The following CAMK1 variants were observed in gnomAD, a reference collection of about 807,000 sequenced individuals.
CAMK1 encodes the protein calcium/calmodulin dependent protein kinase I.
Under a neutral mutation model 49.1 loss-of-function variants are expected in CAMK1, and 39 were observed. The ratio of observed to expected loss-of-function variants is 0.79; its 90% CI spans 0.62 to 1.04. The LOEUF is 1.04. Among genes scored for constraint, CAMK1 ranks in the 50% least tolerant of loss-of-function variants. The pLI is 0.00. For synonymous variants in CAMK1, 192 were observed against 185.2 expected (o/e 1.04, Z -0.30); for missense variants, 457 against 472.2 (o/e 0.97, Z 0.30).
In CAMK1 at chr3:9,762,965, C is replaced by T. The variant is rs750537900; in HGVS notation, c.378G>A (p.Leu126=). Reference sequence around the variant, plus strand: ...GGTCATGCAGGTATTTCACAGCATCCAGCACCTGGAAGATGAGGCGGCTGG... The same window carrying T: ...GGTCATGCAGGTATTTCACAGCATCTAGCACCTGGAAGATGAGGCGGCTGG... ...RDASRLIFQV[L]DAVKYLHDLG... The change falls in exon 5 of 12, where the codon CTG becomes CTA. Residue 126 remains leucine, a synonymous_variant. Coordinates refer to ENST00000256460, the MANE Select transcript of CAMK1 (RefSeq NM_003656.5). 21 of 1,614,154 alleles carry T rather than the reference C, an allele frequency of 1.3e-5. No homozygotes were observed. Among genetic ancestry groups the T allele is most frequent in the Non-Finnish European group, 1.7e-5 (20 of 1,180,040 alleles).
chr3:9,768,981 C>G (rs1299906310), intron 1 of CAMK1, among the ~76,000 whole-genome samples: 2 of 152,050 alleles, frequency 1.3e-5, no homozygotes, highest in African/African-American at 4.8e-5. Flanking sequence ...ACACACATCC[C>G]TGTAGCAGAC....
chr3:9,762,236 T>TG (rs1287090266), intron 5 of CAMK1: 9 of 156,216 alleles, frequency 5.8e-5, no homozygotes, highest in African/African-American at 2.2e-4. Flanking sequence ...GATTGAGATG[T>TG]ACTGCTAAAT....
At position 9,763,006 on chromosome 3, in the gene CAMK1, A is replaced by G; in HGVS notation, c.337T>C (p.Tyr113His). 1.2e-6 allele frequency: 2 copies of G among 1,614,164 alleles called. No homozygotes were observed. Among genetic ancestry groups the G allele is most frequent in the Non-Finnish European group, 1.7e-6 (2 of 1,180,032 alleles). Residue 113 changes from tyrosine to histidine, a missense_variant, in exon 5 of 12, where the codon TAC (tyrosine) becomes CAC (histidine). Tyr to His is a moderately conservative substitution (Grantham distance 83). Transcript: ENST00000256460. The part of the protein sequence containing the change: ...LFDRIVEKGF[Y>H]TERDASRLIF... ...AGGCGGCTGGCGTCCCGCTCCGTGT[A>G]GAAGCCTTTTTCCACAATACGGTCA...
intron 2 of CAMK1, among the ~76,000 whole-genome samples, chr3:9,766,987 T>C (rs1345309880): frequency 2.6e-5 from 4 of 152,068 alleles, no homozygotes; most frequent in Admixed American, 2.0e-4. Flanking sequence ...AGCCCCTTTT[T>C]CCACTCTCCC....
intron 3 of CAMK1, among the ~76,000 whole-genome samples, chr3:9,763,506 T>G (rs77568896): frequency 0.038 from 5,808 of 151,100 alleles, 134 homozygotes; most frequent in South Asian, 0.092. Context: ...ACCAAGGATC[T>G]CGTCCCCAAA....
chr3:9,759,883 AC>A (rs2077766754), intron 8 of CAMK1, 133 bp from the exon 9 acceptor site: 4 of 1,473,814 alleles, frequency 2.7e-6, no homozygotes, highest in Non-Finnish European at 3.7e-6. Flanking sequence ...GCCCCACCCC[AC>A]CCAACCTATG....
intron 2 of CAMK1, chr3:9,766,174 G>A (rs964632362): frequency 3.5e-5 from 31 of 874,150 alleles, no homozygotes; most frequent in Non-Finnish European, 5.6e-5. Context: ...TGTAAGCCTG[G>A]AGCTAATGGC....
At chr3:9,766,749 G>C (rs1269298916) in intron 2 of CAMK1, 2 of 549,672 alleles carry the variant, frequency 3.6e-6, no homozygotes, top group Non-Finnish European at 4.8e-6. Context: ...AGCATCTCTC[G>C]TGGTGAAATT....
intron 9 of CAMK1, 31 bp downstream of exon 9, chr3:9,759,641 G>A (rs56046762): frequency 5.3e-5 from 85 of 1,613,998 alleles, no homozygotes; most frequent in South Asian, 2.0e-4. Context: ...CCCAAATCCC[G>A]CCCCAGCTCA....
Position 9,759,498 on chromosome 3 carries a change from C to A in CAMK1, c.902G>T (p.Ser301Ile). Reference sequence around the variant, plus strand: ...GGGATATGGACTCACCTTCCACTTGCTCTTGGCAAAGTTCTTCTTGATCTG... The same window carrying A: ...GGGATATGGACTCACCTTCCACTTGATCTTGGCAAAGTTCTTCTTGATCTG... The part of the protein sequence containing the change: ...SEQIKKNFAK[S>I]KWKQAFNATA... Residue 301 changes from serine (S) to isoleucine (I), a missense_variant, in exon 10 of 12, where the codon AGC becomes ATC. Transcript: ENST00000256460. The A allele has an allele frequency of 6.2e-7, 1 of 1,614,182 alleles. No individual in the cohort carries two copies. The highest frequency in any genetic ancestry group is 8.5e-7 in the Non-Finnish European group (1 of 1,180,028).
At chr3:9,766,741 C>G (rs574577090) in intron 2 of CAMK1, 1 of 600,832 alleles carries the variant, frequency 1.7e-6, no homozygotes, top group African/African-American at 2.0e-5. Flanking sequence ...CAAAGAAAAG[C>G]ATCTCTCGTG....
intron 3 of CAMK1, among the ~76,000 whole-genome samples, chr3:9,765,374 G>A (rs1030263662): frequency 4.6e-5 from 7 of 152,114 alleles, no homozygotes; most frequent in Non-Finnish European, 1.5e-5. Context: ...ATTTAGTCTG[G>A]GGGTCAGCAG....
chr3:9,761,472 G>T lies in CAMK1; in HGVS notation c.621C>A (p.Ile207=). ...CAAGCCCCACTTACAAGATGTAGGC[G>T]ATGACACCTATGGACCAGCAATCCA... is the stretch of plus-strand genomic sequence containing the variant. ...KAVDCWSIGV[I]AYILLCGYPP... Residue 207 remains isoleucine, a synonymous_variant, in exon 7 of 12, where the codon ATC becomes ATA. Coordinates refer to ENST00000256460, the MANE Select transcript of CAMK1 (RefSeq NM_003656.5). The T allele has an allele frequency of 6.2e-7, 1 of 1,612,178 alleles. No homozygotes were observed. The highest frequency in any genetic ancestry group is 8.5e-7 in the Non-Finnish European group (1 of 1,179,002).
At chr3:9,760,319 C>G in intron 8 of CAMK1, 2 of 255,708 alleles carry the variant, frequency 7.8e-6, no homozygotes, top group South Asian at 1.0e-4. Context: ...ACGATAGTAG[C>G]TTCACAGGTT....
Position 9,761,752 on chromosome 3 carries a change from C to G in CAMK1, c.435G>C (p.Glu145Asp), listed in dbSNP as rs1266214282. Reference protein sequence around the residue: ...LGIVHRDLKPENLLYYSLDED... With the variant: ...LGIVHRDLKPDNLLYYSLDED... Reference sequence around the variant, plus strand: ...CATCCAGGCTGTAGTACAGCAGATTCTCTGGCTTGAAGGGCAGGAGGGAAG... The same window carrying G: ...CATCCAGGCTGTAGTACAGCAGATTGTCTGGCTTGAAGGGCAGGAGGGAAG... Residue 145 changes from glutamate to aspartate, a missense_variant, in exon 6 of 12, where the codon GAG becomes GAC. Physicochemically the swap from Glu to Asp is conservative, Grantham distance 45. Coordinates refer to ENST00000256460, the MANE Select transcript of CAMK1 (RefSeq NM_003656.5). 4 of 1,614,028 alleles carry G rather than the reference C, an allele frequency of 2.5e-6. No individual in the cohort carries two copies.
chr3:9,760,867 A>G, intron 7 of CAMK1, 99 bp from the exon 8 acceptor site: 1 of 1,546,346 alleles, frequency 6.5e-7, no homozygotes, highest in South Asian at 1.2e-5. Context: ...GGAGCCATGG[A>G]AGGAGTTCCC....
At chr3:9,764,163 A>G (rs1037051742) in intron 3 of CAMK1, among the ~76,000 whole-genome samples, 5 of 152,224 alleles carry the variant, frequency 3.3e-5, no homozygotes, top group Non-Finnish European at 5.9e-5. Flanking sequence ...CTTCATCTAT[A>G]AAATGAAGCC....
In CAMK1 at chr3:9,757,859, G is replaced by A; in HGVS notation, c.913-13C>T. On this transcript the variant is annotated splice_polypyrimidine_tract_variant and intron_variant, in intron 10 of 11. Transcript: ENST00000256460. The surrounding 1 kb of genome is among the most constrained non-coding windows in gnomAD (Gnocchi z 4.5). ...CATTGAAGGCTTGCTGGCATTGAAGGCATTGAAGGGAGAGGGGAGAAAGGA... is the reference window on the plus strand; with the variant it reads ...CATTGAAGGCTTGCTGGCATTGAAGACATTGAAGGGAGAGGGGAGAAAGGA... 6.3e-7 allele frequency: 1 copy of A among 1,595,512 alleles called. No individual in the cohort carries two copies. Among genetic ancestry groups the A allele is most frequent in the Non-Finnish European group, 8.6e-7 (1 of 1,165,792 alleles).
At chr3:9,762,872 A>C in intron 5 of CAMK1, 42 bp downstream of exon 5, 1 of 1,605,304 alleles carries the variant, frequency 6.2e-7, no homozygotes, top group South Asian at 1.1e-5. Context: ...CAAAGGCCCC[A>C]CCCCTGGGTA....
Sources: allele counts gnomAD v4.1 joint callset (sites outside exome capture counted in the v4.1 genomes callset), GRCh38; gene constraint gnomAD v4.1.1; non-coding constraint Gnocchi (gnomAD v3.1); transcripts MANE v1.5; gene names NCBI Gene and HGNC (gene_info 2026-07-23, HGNC 2026-07-21).